Variants in CNBD1 observed in about 807,000 individuals in gnomAD.
CNBD1 encodes cyclic nucleotide binding domain containing 1, also known as cyclic nucleotide-binding domain-containing protein 1.
A neutral mutation model predicts 54.4 loss-of-function variants in CNBD1; 71 were observed. The observed-to-expected ratio is 1.30, with a 90% CI of 1.08 to 1.59. CNBD1 has a LOEUF of 1.59. Among genes scored for constraint, CNBD1 ranks in the 40% most tolerant of loss-of-function variants. CNBD1 has a pLI of 0.00. For missense variants in CNBD1, 659 were observed against 518.0 expected, an observed-to-expected ratio of 1.27 and a Z score of -2.64; for synonymous variants, 182 against 170.7, an observed-to-expected ratio of 1.07 and a Z score of -0.51.
chr8:87,161,792 T>C (rs1197089880), intron 4 of CNBD1, among the ~76,000 whole-genome samples: 1 of 152,132 alleles, frequency 6.6e-6, no homozygotes, highest in Non-Finnish European at 1.5e-5. Flanking sequence ...ATCTAAGTAC[T>C]GAAGAAAATA....
intron 4 of CNBD1, among the ~76,000 whole-genome samples, chr8:87,169,014 C>T (rs941180604): frequency 6.6e-6 from 1 of 152,012 alleles, no homozygotes; most frequent in African/African-American, 2.4e-5. Context: ...AAACCACTCT[C>T]CATAGTGGTT....
At chr8:87,406,443 T>A (rs1411807117) in intron 2 of CNBD1, among the ~76,000 whole-genome samples, 2 of 120,410 alleles carry the variant, frequency 1.7e-5, no homozygotes. Context: ...TATATATGTG[T>A]GTATACACAC....
intron 4 of CNBD1, among the ~76,000 whole-genome samples, chr8:87,199,525 T>C (rs950592123): frequency 3.3e-5 from 5 of 152,236 alleles, no homozygotes; most frequent in Admixed American, 1.3e-4. Flanking sequence ...TATTATTATT[T>C]TTTTGTGATA....
At chr8:87,007,889 G>A (rs144472828) in intron 4 of CNBD1, among the ~76,000 whole-genome samples, 52 of 152,182 alleles carry the variant, frequency 3.4e-4, no homozygotes, top group African/African-American at 1.2e-3. Context: ...ATAGGACATT[G>A]CTCACAAGAT....
At chr8:87,038,712 A>G (rs1046968998) in intron 4 of CNBD1, among the ~76,000 whole-genome samples, 2 of 152,202 alleles carry the variant, frequency 1.3e-5, no homozygotes, top group African/African-American at 4.8e-5. Context: ...AGGAAGGGCT[A>G]TTATTATTTA....
At chr8:87,392,336 T>G (rs1382269493) in intron 2 of CNBD1, among the ~76,000 whole-genome samples, 1 of 151,984 alleles carries the variant, frequency 6.6e-6, no homozygotes, top group Non-Finnish European at 1.5e-5. Flanking sequence ...CATATGTACA[T>G]GCAAAATCTT....
chr8:87,065,552 A>T (rs1810631225), intron 4 of CNBD1, among the ~76,000 whole-genome samples: 1 of 151,864 alleles, frequency 6.6e-6, no homozygotes, highest in Non-Finnish European at 1.5e-5. Context: ...TGAGGAACCA[A>T]ACCAATTTGT....
At chr8:87,224,857 G>C (rs1314126915) in intron 5 of CNBD1, among the ~76,000 whole-genome samples, 3 of 151,506 alleles carry the variant, frequency 2.0e-5, no homozygotes, top group African/African-American at 7.3e-5. Context: ...TCATGATATT[G>C]ATTCTTCCTA....
intron 2 of CNBD1, among the ~76,000 whole-genome samples, chr8:87,415,068 C>T (rs72668653): frequency 2.6e-5 from 4 of 152,158 alleles, no homozygotes; most frequent in Non-Finnish European, 5.9e-5. Context: ...GAAATGTGAG[C>T]AGTAGCTGGA....
chr8:86,973,308 TAC>T (rs1808266467), intron 4 of CNBD1, among the ~76,000 whole-genome samples: 1 of 152,236 alleles, frequency 6.6e-6, no homozygotes, highest in Non-Finnish European at 1.5e-5. Flanking sequence ...GGTAAAAATT[TAC>T]AGTTATCTTT....
intron 4 of CNBD1, among the ~76,000 whole-genome samples, chr8:87,096,606 AG>A (rs1811325475): frequency 6.6e-6 from 1 of 152,048 alleles, no homozygotes; most frequent in Non-Finnish European, 1.5e-5. Flanking sequence ...AATGCACACC[AG>A]GCCACTTTCC....
At chr8:87,297,649 G>A (rs1254959666) in intron 8 of CNBD1, among the ~76,000 whole-genome samples, 1 of 152,054 alleles carries the variant, frequency 6.6e-6, no homozygotes, top group Non-Finnish European at 1.5e-5. Flanking sequence ...ACGTTTGAAT[G>A]TCCTTAATTT....
chr8:86,949,263 A>T (rs915808534), intron 4 of CNBD1, among the ~76,000 whole-genome samples: 2 of 152,024 alleles, frequency 1.3e-5, no homozygotes, highest in South Asian at 2.1e-4. Flanking sequence ...AAATTTTAGG[A>T]TTATTTTTTC....
intron 3 of CNBD1, among the ~76,000 whole-genome samples, chr8:86,914,664 G>A (rs190454110): frequency 6.6e-6 from 1 of 152,128 alleles, no homozygotes; most frequent in Admixed American, 6.5e-5. Context: ...AAGTGAAGAA[G>A]TTTCTTTTTG....
intron 4 of CNBD1, among the ~76,000 whole-genome samples, chr8:87,125,191 A>T (rs1179802153): frequency 6.6e-6 from 1 of 151,814 alleles, no homozygotes; most frequent in East Asian, 1.9e-4. Context: ...AAAAATTAAT[A>T]TTGTGAAAAT....
chr8:87,090,746 T>C (rs1179512808), intron 4 of CNBD1, among the ~76,000 whole-genome samples: 1 of 152,246 alleles, frequency 6.6e-6, no homozygotes. Flanking sequence ...TACATATTTT[T>C]AAAAATAGTT....
intron 4 of CNBD1, among the ~76,000 whole-genome samples, chr8:87,154,376 C>T (rs2130752040): frequency 6.6e-6 from 1 of 152,240 alleles, no homozygotes; most frequent in South Asian, 2.1e-4. Flanking sequence ...CCATCGGAAG[C>T]TGGTGAAGCA....
At chr8:87,403,963 T>C (rs1230277244) in intron 2 of CNBD1, among the ~76,000 whole-genome samples, 1 of 152,060 alleles carries the variant, frequency 6.6e-6, no homozygotes, top group African/African-American at 2.4e-5. Flanking sequence ...AACCATGATT[T>C]ATTGGTAAGA....
At chr8:87,072,919 C>T (rs1169696846) in intron 4 of CNBD1, among the ~76,000 whole-genome samples, 4 of 152,064 alleles carry the variant, frequency 2.6e-5, no homozygotes, top group Admixed American at 2.6e-4. Context: ...CTTGGTTCCA[C>T]TCTCCCTGTC....
Sources: gnomAD v4.1 joint callset for allele counts (sites outside exome capture counted in the v4.1 genomes callset) on GRCh38, gnomAD v4.1.1 for gene constraint, MANE v1.5 for transcripts, NCBI Gene and HGNC (gene_info 2026-07-23, HGNC 2026-07-21) for gene names.